QTGAL: variants seen among roughly 807,000 people sequenced by gnomAD.
QTGAL encodes the protein BGnT-like protein 1.
At chr17:83,050,790 C>T in the QTGAL span, among the ~76,000 whole-genome samples, 1 of 146,554 alleles carries the variant, frequency 6.8e-6, no homozygotes, top group East Asian at 2.1e-4. Context: ...GGCACACAGG[C>T]AGGTGTGTGG....
the QTGAL span, chr17:83,005,295 G>T: frequency 8.7e-7 from 1 of 1,147,016 alleles, no homozygotes; most frequent in Non-Finnish European, 1.3e-6. The surrounding 1 kb of genome is among the most constrained non-coding windows in gnomAD (Gnocchi z 5.6). Context: ...CATCTCACAT[G>T]TTTTAGGCAG....
At chr17:83,022,790 G>C in the QTGAL span, among the ~76,000 whole-genome samples, 5 of 13,110 alleles carry the variant, frequency 3.8e-4, no homozygotes, top group African/African-American at 1.4e-3. Context: ...ATGAGCTTAG[G>C]ACTGTCCCCG....
the QTGAL span, among the ~76,000 whole-genome samples, chr17:83,010,343 C>T: frequency 1.3e-5 from 2 of 152,158 alleles, no homozygotes; most frequent in Non-Finnish European, 2.9e-5. Flanking sequence ...CAGCAGAGCC[C>T]GGAGGCAGCC....
At chr17:83,013,128 A>C in the QTGAL span, among the ~76,000 whole-genome samples, 1 of 152,106 alleles carries the variant, frequency 6.6e-6, no homozygotes, top group South Asian at 2.1e-4. Context: ...CCTTTTAAGA[A>C]TCTGCTACAA....
the QTGAL span, among the ~76,000 whole-genome samples, chr17:83,043,213 A>AT: frequency 6.6e-6 from 1 of 152,256 alleles, no homozygotes; most frequent in African/African-American, 2.4e-5. Flanking sequence ...TGACAGCAGC[A>AT]GAACACACAT....
the QTGAL span, among the ~76,000 whole-genome samples, chr17:83,020,401 G>A: frequency 3.0e-4 from 46 of 152,238 alleles, no homozygotes; most frequent in East Asian, 7.1e-3. Flanking sequence ...TTCCAGGAAC[G>A]GACGAATAAG....
chr17:82,968,846 A>G, the QTGAL span, among the ~76,000 whole-genome samples: 4 of 151,844 alleles, frequency 2.6e-5, no homozygotes, highest in Non-Finnish European at 5.9e-5. Context: ...CTAAAAATAC[A>G]AAATTAGCCA....
At chr17:82,974,796 C>A in the QTGAL span, among the ~76,000 whole-genome samples, 1 of 152,216 alleles carries the variant, frequency 6.6e-6, no homozygotes, top group Non-Finnish European at 1.5e-5. Flanking sequence ...GAGGCACAGG[C>A]AGGCTGGGAA....
the QTGAL span, among the ~76,000 whole-genome samples, chr17:82,993,610 TA>T: frequency 6.6e-6 from 1 of 152,130 alleles, no homozygotes; most frequent in Non-Finnish European, 1.5e-5. Context: ...ACATTGGACT[TA>T]ATCTGTGCTA....
the QTGAL span, among the ~76,000 whole-genome samples, chr17:83,012,531 C>T: frequency 9.2e-5 from 14 of 152,360 alleles, no homozygotes; most frequent in Admixed American, 7.2e-4. Context: ...ATACGGACGG[C>T]TCAGTCCAGC....
At chr17:82,942,819 C>A in the QTGAL span, 1 of 381,796 alleles carries the variant, frequency 2.6e-6, no homozygotes, top group Non-Finnish European at 4.7e-6. Context: ...AGACCAGGCC[C>A]CCTTCTTGCC....
the QTGAL span, among the ~76,000 whole-genome samples, chr17:82,958,815 T>TGGGG: frequency 2.5e-5 from 3 of 122,176 alleles, 1 homozygote; most frequent in South Asian, 7.1e-4. Flanking sequence ...GTGTGTATAC[T>TGGGG]GTGTGGGGGT....
At chr17:82,967,259 T>C in the QTGAL span, among the ~76,000 whole-genome samples, 25 of 152,322 alleles carry the variant, frequency 1.6e-4, no homozygotes, top group African/African-American at 6.0e-4. Flanking sequence ...GCTGAAGTGA[T>C]GTTTTCCTAT....
chr17:82,958,362 TG>T, the QTGAL span, among the ~76,000 whole-genome samples: 1 of 152,152 alleles, frequency 6.6e-6, no homozygotes, highest in Non-Finnish European at 1.5e-5. Context: ...CCCTCTGCTG[TG>T]TCAAGGGAGC....
chr17:83,020,587 G>A, the QTGAL span, among the ~76,000 whole-genome samples: 1 of 152,214 alleles, frequency 6.6e-6, no homozygotes, highest in Non-Finnish European at 1.5e-5. Context: ...GGACACGATG[G>A]GGCCTTGGGG....
chr17:82,957,667 C>T, the QTGAL span, among the ~76,000 whole-genome samples: 13 of 152,178 alleles, frequency 8.5e-5, no homozygotes, highest in African/African-American at 2.4e-4. Flanking sequence ...CCCAGCTGGA[C>T]GTAGCCACAT....
the QTGAL span, among the ~76,000 whole-genome samples, chr17:83,013,235 C>T: frequency 1.3e-5 from 2 of 152,040 alleles, no homozygotes; most frequent in African/African-American, 2.4e-5. Context: ...TGACACACCC[C>T]CAAAGGAGGC....
the QTGAL span, among the ~76,000 whole-genome samples, chr17:82,999,296 A>T: frequency 6.6e-6 from 1 of 152,178 alleles, no homozygotes; most frequent in Admixed American, 6.5e-5. Context: ...AAAGGCTTGT[A>T]CATATGTTCA....
At chr17:82,970,537 G>A in the QTGAL span, among the ~76,000 whole-genome samples, 4 of 149,008 alleles carry the variant, frequency 2.7e-5, 1 homozygote, top group East Asian at 2.0e-4. Flanking sequence ...GCGTGGCCGC[G>A]ACCTCCGCAC....
Sources: allele counts gnomAD v4.1 joint callset (sites outside exome capture counted in the v4.1 genomes callset), GRCh38; gene constraint gnomAD v4.1.1; non-coding constraint Gnocchi (gnomAD v3.1); transcripts MANE v1.5; gene names NCBI Gene and HGNC (gene_info 2026-07-23, HGNC 2026-07-21).